The following GSN variants were observed in gnomAD, a reference collection of about 807,000 sequenced individuals.
The protein encoded by GSN is actin-depolymerizing factor.
Under a neutral mutation model 85.7 loss-of-function variants are expected in GSN, and 56 were observed. The ratio of observed to expected loss-of-function variants is 0.65; its 90% confidence interval spans 0.53 to 0.82. GSN has a LOEUF of 0.82. Ranked by LOEUF, GSN falls within the 40% of genes least tolerant of loss-of-function variation. The pLI, the probability that GSN is intolerant of heterozygous loss-of-function variation, is 0.00. For synonymous variants in GSN, 373 were observed against 399.1 expected (o/e 0.93, Z 0.78); for missense variants, 857 against 979.8 (o/e 0.87, Z 1.67).
At chr9:121,206,696 T>G (rs147967792), upstream of GSN, among the ~76,000 whole-genome samples, 2,136 of 152,250 alleles carry the variant, frequency 0.014, 81 homozygotes, top group Admixed American at 0.078. Flanking sequence ...GTTGGTGGTT[T>G]CGACTTAAGA....
chr9:121,224,135 C>T (rs759568204), intron 4 of GSN, among the ~76,000 whole-genome samples: 3 of 151,496 alleles, frequency 2.0e-5, no homozygotes, highest in African/African-American at 4.9e-5. Flanking sequence ...CTTGCTTTGT[C>T]GCCCAGGCTG....
In GSN at chr9:121,329,444, G is replaced by A. The variant is rs1199478618; in HGVS notation, c.1965+129G>A. The A allele has an allele frequency of 2.2e-5, 16 of 715,446 alleles. No individual in the cohort carries two copies. The highest frequency in any genetic ancestry group is 3.8e-5 in the Non-Finnish European group (15 of 390,482). 44.3% of individuals were successfully genotyped at this position (715,446 alleles called of 1,614,324 possible). A position where few individuals can be genotyped will look rare whatever the true frequency, so the allele number is the denominator to read the frequency against. The stretch of plus-strand genomic sequence containing the variant: ...CAGGTGTTGCCAGAAAAGTCTCTAA[G>A]GGTACTGGAAGTCACTTCTTCTTTC... On this transcript the variant is annotated intron_variant, in intron 16 of 17. Coordinates refer to ENST00000432226, the MANE Select transcript of GSN (RefSeq NM_198252.3). The surrounding 1 kb of genome is among the most constrained non-coding windows in gnomAD (Gnocchi z 4.6).
chr9:121,293,642 G>A (rs913043230), intron 2 of GSN, among the ~76,000 whole-genome samples: 2 of 149,668 alleles, frequency 1.3e-5, no homozygotes, highest in Non-Finnish European at 3.0e-5. Context: ...AGGTGGCAGT[G>A]AGCCGAGATC....
intron 6 of GSN, among the ~76,000 whole-genome samples, chr9:121,256,417 T>C (rs140404674): frequency 6.6e-6 from 1 of 152,260 alleles, no homozygotes; most frequent in East Asian, 1.9e-4. Flanking sequence ...TTAAGTGAAA[T>C]AAGCCAGGCA....
chr9:121,232,642 A>C (rs2054415162), intron 5 of GSN, among the ~76,000 whole-genome samples: 2 of 152,242 alleles, frequency 1.3e-5, no homozygotes, highest in South Asian at 4.1e-4. Flanking sequence ...TATAGATGTA[A>C]TATTGTACAG....
chr9:121,306,415 G>C (rs2060428018), intron 4 of GSN, among the ~76,000 whole-genome samples: 1 of 152,160 alleles, frequency 6.6e-6, no homozygotes, highest in Non-Finnish European at 1.5e-5. Flanking sequence ...GACTACAAGA[G>C]CAATATAAGC....
chr9:121,283,597 C>T (rs562618628), intron 2 of GSN: 55 of 166,976 alleles, frequency 3.3e-4, no homozygotes, highest in South Asian at 2.7e-3. Context: ...GACGCCTGGC[C>T]CAGGGCCCTG....
At chr9:121,232,846 C>T (rs2132160479) in intron 5 of GSN, among the ~76,000 whole-genome samples, 1 of 152,282 alleles carries the variant, frequency 6.6e-6, no homozygotes, top group African/African-American at 2.4e-5. Flanking sequence ...CCTCCGCTTT[C>T]CTTGATGTTT....
chr9:121,321,413 G>A lies in GSN; in HGVS notation c.1325+12G>A. 6.2e-7 allele frequency: 1 copy of A among 1,612,912 alleles called. No homozygotes were observed. Among genetic ancestry groups the A allele is most frequent in the Non-Finnish European group, 8.5e-7 (1 of 1,179,030 alleles). On this transcript the variant is annotated intron_variant, in intron 11 of 17. Transcript: ENST00000432226. Reference sequence around the variant, plus strand: ...ATAATCTATAACTGGTGAGGTTCTGGGGCCATTGGTGTGTGTCGTGGGGGT... The same window carrying A: ...ATAATCTATAACTGGTGAGGTTCTGAGGCCATTGGTGTGTGTCGTGGGGGT...
At chr9:121,311,266 T>C (rs2061106398) in intron 5 of GSN, 1 of 276,036 alleles carries the variant, frequency 3.6e-6, no homozygotes, top group South Asian at 4.0e-5. Context: ...CACATGCCCA[T>C]GATCTATGGC....
At chr9:121,309,731 G>A (rs1467935829) in intron 4 of GSN, 1 of 152,104 alleles carries the variant, frequency 6.6e-6, no homozygotes, top group African/African-American at 2.4e-5. Flanking sequence ...AGCACCCAAG[G>A]ATCTCTTGAG....
Position 121,261,168 on chromosome 9 carries a change from T to C in GSN, c.-340-3986T>C, listed in dbSNP as rs2055076903. 6.6e-6 allele frequency among the ~76,000 whole-genome samples: 1 copy of C among 152,244 alleles called. No homozygotes were observed. The highest frequency in any genetic ancestry group is 2.4e-5 in the African/African-American group (1 of 41,464). Reference sequence around the variant, plus strand: ...CTGGTGGCCTGCGGGGACAGCTGAATGCCTTCTGGTCCGCTGAGCCCAGAA... The same window carrying C: ...CTGGTGGCCTGCGGGGACAGCTGAACGCCTTCTGGTCCGCTGAGCCCAGAA... On this transcript the variant is annotated intron_variant, in intron 6 of 24. Transcript: ENST00000373823. This position sits in a 1 kb window ranked among gnomAD's most constrained non-coding sequence, Gnocchi z 4.1.
At chr9:121,252,325 T>C (rs943431664) in intron 6 of GSN, among the ~76,000 whole-genome samples, 35 of 152,130 alleles carry the variant, frequency 2.3e-4, no homozygotes, top group Non-Finnish European at 3.1e-4. Context: ...AAGGACACGC[T>C]TGGGGAGTTG....
intron 14 of GSN, 119 bp downstream of exon 14, chr9:121,327,601 CT>C: frequency 1.3e-6 from 1 of 782,334 alleles, no homozygotes; most frequent in Non-Finnish European, 2.0e-6. Flanking sequence ...GGCCTGTCCC[CT>C]AATGTATGTT....
upstream of GSN, chr9:121,268,082 CG>C (rs918469582): frequency 1.3e-5 from 2 of 151,602 alleles, no homozygotes; most frequent in African/African-American, 4.8e-5. Flanking sequence ...CCTGCCCGGC[CG>C]CCCCGCCCCG....
intron 2 of GSN, among the ~76,000 whole-genome samples, chr9:121,296,279 C>T (rs1286720110): frequency 1.3e-5 from 2 of 152,180 alleles, no homozygotes; most frequent in African/African-American, 4.8e-5. Flanking sequence ...ACACCTCTTT[C>T]CAGTTGAGTG....
intron 1 of GSN, among the ~76,000 whole-genome samples, chr9:121,268,587 C>G (rs796198915): frequency 7.9e-5 from 12 of 152,324 alleles, no homozygotes; most frequent in African/African-American, 2.9e-4. Context: ...CAGGGGACCA[C>G]CAGCTACGGT....
chr9:121,291,788 G>C (rs377198368), intron 2 of GSN, among the ~76,000 whole-genome samples: 127 of 152,190 alleles, frequency 8.3e-4, no homozygotes, highest in African/African-American at 3.0e-3. Context: ...AGATAATATG[G>C]CCATTCTATC....
At chr9:121,234,907 T>G (rs1295917071) in intron 5 of GSN, among the ~76,000 whole-genome samples, 1 of 152,128 alleles carries the variant, frequency 6.6e-6, no homozygotes, top group Non-Finnish European at 1.5e-5. Context: ...TGAGAACAAT[T>G]TGGCTGTTCC....
Sources: allele counts gnomAD v4.1 joint callset (sites outside exome capture counted in the v4.1 genomes callset), GRCh38; gene constraint gnomAD v4.1.1; non-coding constraint Gnocchi (gnomAD v3.1); transcripts MANE v1.5; gene names NCBI Gene and HGNC (gene_info 2026-07-23, HGNC 2026-07-21).